PTPRM: variants seen among roughly 807,000 people sequenced by gnomAD.
PTPRM encodes protein tyrosine phosphatase receptor type M, also known as receptor-type tyrosine-protein phosphatase mu.
PTPRM carries 47 observed loss-of-function variants against 186.7 expected under a neutral mutation model. That is an observed-to-expected ratio of 0.25 (90% CI 0.20 to 0.32). PTPRM has a LOEUF of 0.32. PTPRM is among the 10% of genes least tolerant of loss of function. The probability of loss-of-function intolerance (pLI) is 1.00; values close to 1 mark genes in which losing one functional copy is unlikely to be tolerated. For synonymous variants in PTPRM, 668 were observed against 674.9 expected, an observed-to-expected ratio of 0.99 and a Z score of 0.16; for missense variants, 1,494 against 1,865.0, an observed-to-expected ratio of 0.80 and a Z score of 3.66.
intron 31 of PTPRM, among the ~76,000 whole-genome samples, chr18:8,388,700 G>A (rs1439657986): frequency 1.3e-5 from 2 of 152,136 alleles, no homozygotes; most frequent in Admixed American, 6.5e-5. Flanking sequence ...AGTGGCTCAC[G>A]CCTGTAATCC....
At position 8,057,075 on chromosome 18, in the gene PTPRM, C is replaced by CA. The variant is rs569533129; in HGVS notation, c.1133-12605dup. Among the ~76,000 whole-genome samples, 99 of 150,550 alleles carry CA rather than the reference C, an allele frequency of 6.6e-4. 1 individual carries two copies. The highest frequency in any genetic ancestry group is 4.7e-3 in the South Asian group (22 of 4,712). ...CTATATTGAATGAAATCTCATGTTG[C>CA]AAAAAATAGTAGCATTTTTGAAAAT... On this transcript the variant is annotated intron_variant, in intron 7 of 32. Coordinates refer to ENST00000580170, the MANE Select transcript of PTPRM (RefSeq NM_001105244.2).
intron 32 of PTPRM, chr18:8,404,336 C>G (rs1234530601): frequency 6.6e-6 from 1 of 152,200 alleles, no homozygotes; most frequent in African/African-American, 2.4e-5. Context: ...TCATGACCTT[C>G]CCGAGGACTG....
intron 2 of PTPRM, among the ~76,000 whole-genome samples, chr18:7,842,160 T>A (rs1351648454): frequency 6.6e-6 from 1 of 152,156 alleles, no homozygotes; most frequent in Non-Finnish European, 1.5e-5. Flanking sequence ...AGGAAAAATA[T>A]GAGGCTAAAT....
chr18:8,303,014 A>T (rs1300898507), intron 20 of PTPRM, among the ~76,000 whole-genome samples: 1 of 152,152 alleles, frequency 6.6e-6, no homozygotes, highest in Non-Finnish European at 1.5e-5. Context: ...ATTATAAATC[A>T]GTGACCCATT....
chr18:7,761,565 C>T (rs1450510831), intron 1 of PTPRM, among the ~76,000 whole-genome samples: 1 of 152,188 alleles, frequency 6.6e-6, no homozygotes, highest in Admixed American at 6.5e-5. Context: ...TAGGTACTGA[C>T]TCTCTGGTTT....
At chr18:7,807,049 G>A (rs2145428837) in intron 2 of PTPRM, among the ~76,000 whole-genome samples, 1 of 152,274 alleles carries the variant, frequency 6.6e-6, no homozygotes, top group Non-Finnish European at 1.5e-5. Context: ...TTTTTTGAGA[G>A]TCTTGCTTTG....
chr18:7,661,063 G>A (rs1291288341), intron 1 of PTPRM, among the ~76,000 whole-genome samples: 1 of 152,162 alleles, frequency 6.6e-6, no homozygotes, highest in East Asian at 1.9e-4. Context: ...ATCACTTCAG[G>A]CTACAGCAGA....
intron 22 of PTPRM, among the ~76,000 whole-genome samples, chr18:8,323,719 A>G (rs532704280): frequency 6.6e-6 from 1 of 152,116 alleles, no homozygotes; most frequent in Non-Finnish European, 1.5e-5. Context: ...GTCCAGGACT[A>G]GAGAGAGGAT....
At chr18:8,263,657 A>G (rs1342750215) in intron 19 of PTPRM, among the ~76,000 whole-genome samples, 1 of 152,112 alleles carries the variant, frequency 6.6e-6, no homozygotes, top group Non-Finnish European at 1.5e-5. Flanking sequence ...GAGAGTTGGA[A>G]CTTTTTCAGC....
At chr18:7,676,915 T>C (rs1387745249) in intron 1 of PTPRM, among the ~76,000 whole-genome samples, 1 of 152,206 alleles carries the variant, frequency 6.6e-6, no homozygotes, top group Non-Finnish European at 1.5e-5. Context: ...TCTGAACTGA[T>C]ATTAATTATC....
At chr18:8,291,836 C>G (rs111340403) in intron 19 of PTPRM, among the ~76,000 whole-genome samples, 1,880 of 151,474 alleles carry the variant, frequency 0.012, 34 homozygotes, top group African/African-American at 0.043. Flanking sequence ...AGTGATTATG[C>G]CCATCTCATG....
At chr18:8,266,108 C>T (rs962662769) in intron 19 of PTPRM, among the ~76,000 whole-genome samples, 1 of 152,108 alleles carries the variant, frequency 6.6e-6, no homozygotes, top group Non-Finnish European at 1.5e-5. Flanking sequence ...CTCATTTCAG[C>T]CTCTTCCGAA....
chr18:7,783,776 G>A (rs1035199061), intron 2 of PTPRM, among the ~76,000 whole-genome samples: 1 of 143,210 alleles, frequency 7.0e-6, no homozygotes, highest in Non-Finnish European at 1.5e-5. Flanking sequence ...GTGTGTGTAT[G>A]TGTGTGTGTG....
At chr18:8,173,339 AT>A (rs1391375026) in intron 14 of PTPRM, among the ~76,000 whole-genome samples, 1 of 152,262 alleles carries the variant, frequency 6.6e-6, no homozygotes, top group Non-Finnish European at 1.5e-5. Context: ...CATATGAATG[AT>A]TATTATTTTC....
rs375278607 is a variant in PTPRM at position 8,252,295 on chromosome 18, A to C, written c.2555-193A>C. Reference sequence around the variant, plus strand: ...ACCTCCTTTTTGTTATGGAGTACTTAAATTCAATGCCTCCATCCTAACGTG... The same window carrying C: ...ACCTCCTTTTTGTTATGGAGTACTTCAATTCAATGCCTCCATCCTAACGTG... On this transcript the variant is annotated intron_variant, in intron 17 of 32. Coordinates refer to ENST00000580170, the MANE Select transcript of PTPRM (RefSeq NM_001105244.2). 1.2e-4 allele frequency among the ~76,000 whole-genome samples: 19 copies of C among 152,376 alleles called. 2 individuals carry two copies. Among genetic ancestry groups the C allele is most frequent in the Middle Eastern group, 6.8e-3 (2 of 294 alleles).
At chr18:7,748,012 C>A (rs886347444) in intron 1 of PTPRM, among the ~76,000 whole-genome samples, 2 of 152,160 alleles carry the variant, frequency 1.3e-5, no homozygotes, top group East Asian at 1.9e-4. Context: ...TACCCTCTTC[C>A]CCAACATACT....
intron 5 of PTPRM, among the ~76,000 whole-genome samples, chr18:7,932,427 T>G (rs898211961): frequency 1.3e-5 from 2 of 152,194 alleles, no homozygotes; most frequent in Non-Finnish European, 2.9e-5. Flanking sequence ...GTAGGAAACT[T>G]TAGTGCAGCT....
intron 22 of PTPRM, among the ~76,000 whole-genome samples, chr18:8,333,676 T>C (rs2148181164): frequency 1.3e-5 from 2 of 152,330 alleles, no homozygotes; most frequent in South Asian, 4.1e-4. Context: ...AGCTTTAAAA[T>C]GAATGCCTCT....
chr18:7,831,953 G>A (rs1233749332), intron 2 of PTPRM, among the ~76,000 whole-genome samples: 1 of 152,174 alleles, frequency 6.6e-6, no homozygotes, highest in African/African-American at 2.4e-5. Context: ...GCAGGTGACA[G>A]GATCTCATTC....
Sources: allele counts gnomAD v4.1 joint callset (sites outside exome capture counted in the v4.1 genomes callset), GRCh38; gene constraint gnomAD v4.1.1; transcripts MANE v1.5; gene names NCBI Gene and HGNC (gene_info 2026-07-23, HGNC 2026-07-21).